The following CCL17 variants were observed in gnomAD, a reference collection of about 807,000 sequenced individuals.
The protein encoded by CCL17 is C-C motif chemokine 17.
Under a neutral mutation model 7.4 loss-of-function variants are expected in CCL17, and 8 were observed. The ratio of observed to expected loss-of-function variants is 1.09; its 90% CI spans 0.64 to 1.96. CCL17 has a LOEUF of 1.96. Among genes scored for constraint, CCL17 ranks in the 30% most tolerant of loss-of-function variants. The pLI is 0.00. For missense variants in CCL17, 102 were observed against 113.0 expected (o/e 0.90, Z 0.44); for synonymous variants, 40 against 46.1 (o/e 0.87, Z 0.54).
chr16:57,403,116 T>C (rs575927076), upstream of CCL17, among the ~76,000 whole-genome samples: 32 of 109,990 alleles, frequency 2.9e-4, no homozygotes, highest in South Asian at 5.0e-4. Context: ...ATATATATAT[T>C]TATAATATAT....
intron 1 of CCL17, among the ~76,000 whole-genome samples, chr16:57,411,366 C>G (rs1902782793): frequency 2.0e-5 from 3 of 152,272 alleles, no homozygotes; most frequent in African/African-American, 7.2e-5. Flanking sequence ...CAGCCTTGAA[C>G]TGAACCAGAA....
upstream of CCL17, among the ~76,000 whole-genome samples, chr16:57,402,349 A>G (rs144844910): frequency 2.8e-3 from 422 of 152,342 alleles, 1 homozygote; most frequent in African/African-American, 9.7e-3. Flanking sequence ...CAGATCCACC[A>G]GGCTCCTTGG....
chr16:57,403,468 AT>A (rs1265383056), upstream of CCL17, among the ~76,000 whole-genome samples: 1 of 1,994 alleles, frequency 5.0e-4, no homozygotes, highest in African/African-American at 6.9e-4. Flanking sequence ...TATATATTAT[AT>A]TATATATATT....
chr16:57,404,477 G>T (rs112623687), upstream of CCL17, among the ~76,000 whole-genome samples: 1 of 152,074 alleles, frequency 6.6e-6, no homozygotes, highest in South Asian at 2.1e-4. Flanking sequence ...GGAAGGAAGG[G>T]GCTGGCAGAG....
At chr16:57,411,948 C>A (rs1230825261) in intron 1 of CCL17, among the ~76,000 whole-genome samples, 1 of 152,184 alleles carries the variant, frequency 6.6e-6, no homozygotes, top group Non-Finnish European at 1.5e-5. Context: ...CTCCTCTGCA[C>A]GTGCAAATGG....
Position 57,415,618 on chromosome 16 carries a change from AT to A in CCL17, c.189-146del. On this transcript the variant is annotated intron_variant, in intron 3 of 3. Transcript: ENST00000219244. This position sits in a 1 kb window ranked among gnomAD's most constrained non-coding sequence, Gnocchi z 4.5. ...CTCGGGACAGAGCCTGAAGTCCCAG[AT>A]CTGCCACCAATGCCCTGTGTGACAG... 1 of 622,994 alleles carries A rather than the reference AT, an allele frequency of 1.6e-6. No individual in the cohort carries two copies. The highest frequency in any genetic ancestry group is 2.9e-6 in the Non-Finnish European group (1 of 342,650). 38.6% of individuals were successfully genotyped at this position (622,994 alleles called of 1,614,324 possible). A position where few individuals can be genotyped will look rare whatever the true frequency, so the allele number is the denominator to read the frequency against.
At chr16:57,397,153 ATTCT>A in the CCL17 span, among the ~76,000 whole-genome samples, 1 of 152,164 alleles carries the variant, frequency 6.6e-6, no homozygotes, top group Non-Finnish European at 1.5e-5. Flanking sequence ...ATGGTGCCCT[ATTCT>A]TTGTTGTCCC....
chr16:57,415,002 C>T lies in CCL17; in HGVS notation c.71-79C>T. 1 of 887,680 alleles carries T rather than the reference C, an allele frequency of 1.1e-6. No homozygotes were observed. Among genetic ancestry groups the T allele is most frequent in the Admixed American group, 1.7e-5 (1 of 58,670 alleles). The allele number at this position is 887,680 out of a possible 1,614,324, so 55.0% of individuals were successfully genotyped here. ...ACATGGACACGCACATGCAGATCTT[C>T]CACGAACACCCCCCAGAGGTCCCCG... On this transcript the variant is annotated intron_variant, in intron 2 of 3. Transcript: ENST00000219244. This position sits in a 1 kb window ranked among gnomAD's most constrained non-coding sequence, Gnocchi z 4.5.
rs569203842 is a variant in CCL17, at chr16:57,413,673, C to A, written c.-59-201C>A. Among the ~76,000 whole-genome samples, 6 of 152,318 alleles carry A rather than the reference C, an allele frequency of 3.9e-5. No individual in the cohort carries two copies. In the East Asian group the frequency reaches 1.2e-3, roughly 29 times the overall value. ...GTGTGTCACTGCCATGGGCTCTAGA[C>A]ACATGTACCCCACCTCTGTCTCCAG... is the stretch of plus-strand genomic sequence containing the variant. On this transcript the variant is annotated intron_variant, in intron 1 of 3. Coordinates refer to ENST00000219244, the MANE Select transcript of CCL17 (RefSeq NM_002987.3).
chr16:57,414,021 T>C lies in CCL17; in HGVS notation c.70+19T>C. On this transcript the variant is annotated intron_variant, in intron 2 of 3. Coordinates refer to ENST00000219244, the MANE Select transcript of CCL17 (RefSeq NM_002987.3). Reference sequence around the variant, plus strand: ...CACGCAGGTGAGAGCAGGGGACAGGTGGCCAGGGGCAGGCACCGGGAGGAC... The same window carrying C: ...CACGCAGGTGAGAGCAGGGGACAGGCGGCCAGGGGCAGGCACCGGGAGGAC... 1 of 1,605,436 alleles carries C rather than the reference T, an allele frequency of 6.2e-7. No homozygotes were observed. Among genetic ancestry groups the C allele is most frequent in the Non-Finnish European group, 8.5e-7 (1 of 1,175,308 alleles).
intron 1 of CCL17, among the ~76,000 whole-genome samples, chr16:57,405,877 C>CAAAA (rs35155439): frequency 1.1e-4 from 15 of 140,318 alleles, no homozygotes; most frequent in African/African-American, 3.2e-4. Context: ...ACTAAAAATA[C>CAAAA]AAAAAAAAAA....
chr16:57,406,024 A>G (rs1219762778), intron 1 of CCL17, among the ~76,000 whole-genome samples: 2 of 148,422 alleles, frequency 1.3e-5, no homozygotes, highest in Non-Finnish European at 3.0e-5. Context: ...CCTGGGCGAA[A>G]GAGCAAGACT....
chr16:57,398,317 T>A, the CCL17 span, among the ~76,000 whole-genome samples: 1 of 152,248 alleles, frequency 6.6e-6, no homozygotes, highest in Admixed American at 6.5e-5. Context: ...ATGCCACTGG[T>A]TGTGGGGTTA....
intron 1 of CCL17, among the ~76,000 whole-genome samples, chr16:57,408,577 T>A (rs1367916258): frequency 1.0e-5 from 1 of 99,628 alleles, no homozygotes; most frequent in East Asian, 2.0e-4. Flanking sequence ...CCTGGCTATT[T>A]TTTTTTTTCG....
chr16:57,415,297 C>T lies in CCL17; in HGVS notation c.188+99C>T, dbSNP rs906144286. ...CGGCCAATGGGGAGCAGGGAAGAGA[C>T]AGCGGGGCCTTCCTCCCCAACCCCT... On this transcript the variant is annotated intron_variant, in intron 3 of 3. Transcript: ENST00000219244. This position sits in a 1 kb window ranked among gnomAD's most constrained non-coding sequence, Gnocchi z 4.5. The T allele has an allele frequency of 1.0e-4, 83 of 816,372 alleles. No homozygotes were observed. In the African/African-American group the frequency reaches 1.2e-3, roughly 12 times the overall value. The allele number at this position is 816,372 out of a possible 1,614,324, so 50.6% of individuals were successfully genotyped here.
the CCL17 span, among the ~76,000 whole-genome samples, chr16:57,399,086 G>C: frequency 6.6e-6 from 1 of 152,156 alleles, no homozygotes; most frequent in Non-Finnish European, 1.5e-5. Flanking sequence ...TAGGGGTTGG[G>C]TACAGCTGGA....
chr16:57,403,657 T>G (rs1158652490), upstream of CCL17, among the ~76,000 whole-genome samples: 2 of 91,948 alleles, frequency 2.2e-5, no homozygotes, highest in East Asian at 5.1e-4. Flanking sequence ...ATATAATATA[T>G]ATATATATAT....
chr16:57,403,576 AATATATATAATATATATTTATAAT>A (rs1567561187), upstream of CCL17, among the ~76,000 whole-genome samples: 1 of 55,260 alleles, frequency 1.8e-5, no homozygotes, highest in African/African-American at 6.7e-5. Flanking sequence ...ATATATTTAT[AATATATATAATATATATTTATAAT>A]ATATATAATA....
chr16:57,401,176 G>T (rs11861641), upstream of CCL17, among the ~76,000 whole-genome samples: 1 of 152,002 alleles, frequency 6.6e-6, no homozygotes. Flanking sequence ...GTGTGATGCC[G>T]CAAGATGTGG....
Sources: gnomAD v4.1 joint callset for allele counts (sites outside exome capture counted in the v4.1 genomes callset) on GRCh38, gnomAD v4.1.1 for gene constraint, Gnocchi (gnomAD v3.1) non-coding constraint, MANE v1.5 for transcripts, NCBI Gene and HGNC (gene_info 2026-07-23, HGNC 2026-07-21) for gene names.